The following RAPGEF6 variants were observed in gnomAD, a reference collection of about 807,000 sequenced individuals.
RAPGEF6 encodes the protein PDZ domain containing guanine nucleotide exchange factor (GEF) 2.
RAPGEF6 carries 56 observed loss-of-function variants against 171.4 expected under a neutral mutation model. The observed-to-expected ratio is 0.33, with a 90% CI of 0.26 to 0.41. The LOEUF (loss-of-function observed/expected upper bound fraction) is 0.41. RAPGEF6 is among the 10% of genes least tolerant of loss of function. The pLI is 1.00. For synonymous variants in RAPGEF6, 692 were observed against 650.1 expected (o/e 1.06, Z -0.98); for missense variants, 1,674 against 1,921.4 (o/e 0.87, Z 2.41).
At chr5:131,427,312 A>G (rs747371009) in intron 27 of RAPGEF6, 21 bp from the exon 28 acceptor site, 10 of 1,577,644 alleles carry the variant, frequency 6.3e-6, no homozygotes. Context: ...AAAATATATA[A>G]TTAACTGGCA....
chr5:131,594,620 A>G (rs1396576498), intron 3 of RAPGEF6, among the ~76,000 whole-genome samples: 1 of 152,210 alleles, frequency 6.6e-6, no homozygotes, highest in African/African-American at 2.4e-5. Context: ...GGAGCCTAGA[A>G]AAGCCACAGG....
chr5:131,476,037 G>A (rs915077115), intron 16 of RAPGEF6, among the ~76,000 whole-genome samples: 1 of 152,104 alleles, frequency 6.6e-6, no homozygotes, highest in African/African-American at 2.4e-5. Flanking sequence ...GTAAAATACA[G>A]AAAGAAAGCA....
chr5:131,528,336 T>TACACACACACAC lies in RAPGEF6; in HGVS notation c.496-6816_496-6815insGTGTGTGTGTGT, dbSNP rs1759120860. 1.6e-4 allele frequency among the ~76,000 whole-genome samples: 4 copies of TACACACACACAC among 24,496 alleles called. 1 individual carries two copies. The highest frequency in any genetic ancestry group is 3.2e-4 in the African/African-American group (4 of 12,520). 16.1% of individuals were successfully genotyped at this position (24,496 alleles called of 152,430 possible). Reference sequence around the variant, plus strand: ...TATTATATATATATATATATATATATATACACACACACACACATATATATA... The same window carrying TACACACACACAC: ...TATTATATATATATATATATATATATACACACACACACATACACACACACACACATATATATA... On this transcript the variant is annotated intron_variant, in intron 6 of 27. Transcript: ENST00000509018.
At chr5:131,614,694 C>A (rs557602796) in intron 1 of RAPGEF6, among the ~76,000 whole-genome samples, 1 of 152,182 alleles carries the variant, frequency 6.6e-6, no homozygotes, top group Non-Finnish European at 1.5e-5. Flanking sequence ...CTACAACATA[C>A]GCAATGGACA....
intron 1 of RAPGEF6, among the ~76,000 whole-genome samples, chr5:131,626,097 A>C (rs1765912257): frequency 1.3e-5 from 2 of 152,192 alleles, no homozygotes; most frequent in South Asian, 2.1e-4. Flanking sequence ...TTCTGAAATT[A>C]TCCAAACCCT....
At chr5:131,614,653 T>C (rs1272027299) in intron 1 of RAPGEF6, among the ~76,000 whole-genome samples, 7 of 152,164 alleles carry the variant, frequency 4.6e-5, no homozygotes, top group African/African-American at 1.7e-4. Flanking sequence ...GAGATTTGGG[T>C]GGGGACACAG....
intron 3 of RAPGEF6, among the ~76,000 whole-genome samples, chr5:131,599,968 A>T (rs1391019848): frequency 6.6e-6 from 1 of 152,230 alleles, no homozygotes; most frequent in African/African-American, 2.4e-5. Context: ...CCATACTGAA[A>T]CTAATCTGTA....
chr5:131,502,343 T>G (rs1401373009), intron 11 of RAPGEF6, among the ~76,000 whole-genome samples: 1 of 152,230 alleles, frequency 6.6e-6, no homozygotes, highest in Non-Finnish European at 1.5e-5. Context: ...ACTAAAAGTC[T>G]GAGGATAGTA....
intron 1 of RAPGEF6, among the ~76,000 whole-genome samples, chr5:131,623,025 CTTT>C (rs972526206): frequency 3.3e-5 from 5 of 150,578 alleles, no homozygotes; most frequent in South Asian, 2.1e-4. Context: ...CCAGCTCCTT[CTTT>C]AACTTTTTAA....
chr5:131,613,754 G>A (rs568618059), intron 1 of RAPGEF6, among the ~76,000 whole-genome samples: 2 of 152,230 alleles, frequency 1.3e-5, no homozygotes, highest in South Asian at 2.1e-4. Context: ...CACCTTATAA[G>A]TTTCAGTGGA....
intron 3 of RAPGEF6, among the ~76,000 whole-genome samples, chr5:131,593,294 T>C (rs917403878): frequency 6.6e-6 from 1 of 152,242 alleles, no homozygotes; most frequent in Admixed American, 6.5e-5. Context: ...CACAATGTTA[T>C]CCCAAGGAAT....
intron 4 of RAPGEF6, among the ~76,000 whole-genome samples, chr5:131,587,750 T>C (rs1192730331): frequency 6.6e-6 from 1 of 152,134 alleles, no homozygotes. Context: ...AGGTGAGTCA[T>C]AGAAAGTAGA....
At chr5:131,591,474 T>C (rs570487767) in intron 4 of RAPGEF6, among the ~76,000 whole-genome samples, 12 of 152,258 alleles carry the variant, frequency 7.9e-5, no homozygotes, top group Admixed American at 4.6e-4. Context: ...ATGAAAGAGG[T>C]TGTATTATTA....
chr5:131,634,909 G>C, intron 1 of RAPGEF6, 53 bp downstream of exon 1: 1 of 1,587,486 alleles, frequency 6.3e-7, no homozygotes, highest in Non-Finnish European at 8.7e-7. Flanking sequence ...GGACAGACAG[G>C]AGGATGCTGT....
At chr5:131,524,371 G>A (rs1469716937) in intron 6 of RAPGEF6, among the ~76,000 whole-genome samples, 2 of 152,184 alleles carry the variant, frequency 1.3e-5, no homozygotes, top group East Asian at 3.8e-4. Flanking sequence ...CACTGTCCAT[G>A]AAGCTGTAGT....
At chr5:131,564,308 C>T (rs762629988) in intron 4 of RAPGEF6, among the ~76,000 whole-genome samples, 8 of 152,086 alleles carry the variant, frequency 5.3e-5, no homozygotes, top group African/African-American at 7.2e-5. Flanking sequence ...GAAGAAAGGT[C>T]CTCTTGAGTC....
At chr5:131,601,322 T>C (rs1408389143) in intron 3 of RAPGEF6, among the ~76,000 whole-genome samples, 5 of 150,044 alleles carry the variant, frequency 3.3e-5, no homozygotes, top group African/African-American at 1.2e-4. Context: ...GAGGCAGAGG[T>C]TGCAGTGAGC....
chr5:131,462,918 C>T (rs1357649999), intron 18 of RAPGEF6, among the ~76,000 whole-genome samples: 2 of 152,090 alleles, frequency 1.3e-5, no homozygotes, highest in Admixed American at 1.3e-4. Flanking sequence ...AAGACAATGC[C>T]ATAAATAATA....
chr5:131,521,364 C>CTGAT lies in RAPGEF6; in HGVS notation c.627+25_627+26insATCA, dbSNP rs757376379. ...CTGGCAAATAAAAAAACCATATACG[C>CTGAT]AGCATACAAATTCCTAAGGTATTAC... On this transcript the variant is annotated intron_variant, in intron 7 of 27. Coordinates refer to ENST00000509018, the MANE Select transcript of RAPGEF6 (RefSeq NM_016340.6). 1.5e-5 allele frequency: 23 copies of CTGAT among 1,566,270 alleles called. No individual in the cohort carries two copies. In the Admixed American group the frequency reaches 4.5e-4, roughly 30 times the overall value.
Sources: gnomAD v4.1 joint callset for allele counts (sites outside exome capture counted in the v4.1 genomes callset) on GRCh38, gnomAD v4.1.1 for gene constraint, MANE v1.5 for transcripts, NCBI Gene and HGNC (gene_info 2026-07-23, HGNC 2026-07-21) for gene names.